Variants in CSMD1 observed in about 807,000 individuals in gnomAD.
The protein encoded by CSMD1 is CUB and Sushi multiple domains 1, also known as CUB and sushi domain-containing protein 1.
A neutral mutation model predicts 417.5 loss-of-function variants in CSMD1; 213 were observed. That is an observed-to-expected ratio of 0.51 (90% CI 0.46 to 0.57). CSMD1 has a LOEUF of 0.57. CSMD1 is among the 20% of genes least tolerant of loss of function. The pLI is 0.00. For synonymous variants in CSMD1, 2,862 were observed against 1,736.8 expected (o/e 1.65, Z -16.11); for missense variants, 6,923 against 4,529.7 (o/e 1.53, Z -15.17).
intron 49 of CSMD1, among the ~76,000 whole-genome samples, chr8:3,064,554 T>C (rs1466361935): frequency 6.6e-6 from 1 of 152,072 alleles, no homozygotes; most frequent in Non-Finnish European, 1.5e-5. Context: ...TCTAGTAGTG[T>C]GAGAATGGAT....
chr8:3,358,101 A>T (rs2117702316), intron 21 of CSMD1, among the ~76,000 whole-genome samples: 1 of 152,312 alleles, frequency 6.6e-6, no homozygotes, highest in South Asian at 2.1e-4. Context: ...AGTTATGCTA[A>T]ACAAGTTATG....
At chr8:3,242,767 G>A (rs986193714) in intron 26 of CSMD1, among the ~76,000 whole-genome samples, 24 of 151,898 alleles carry the variant, frequency 1.6e-4, no homozygotes, top group African/African-American at 5.8e-4. Flanking sequence ...AAGGGGTTCG[G>A]GGTTTCTTAC....
intron 23 of CSMD1, among the ~76,000 whole-genome samples, chr8:3,318,494 A>AGAT (rs1373485506): frequency 1.3e-5 from 2 of 152,118 alleles, no homozygotes; most frequent in Admixed American, 1.3e-4. Context: ...TGTAGATAAA[A>AGAT]GATAACATAT....
intron 2 of CSMD1, among the ~76,000 whole-genome samples, chr8:4,567,548 C>T (rs73184947): frequency 0.026 from 4,031 of 152,228 alleles, 76 homozygotes; most frequent in Non-Finnish European, 0.04. Flanking sequence ...ACCTTTATTT[C>T]TTCATTAAGT....
chr8:3,974,390 T>A (rs1056945947), intron 5 of CSMD1, among the ~76,000 whole-genome samples: 5 of 151,984 alleles, frequency 3.3e-5, no homozygotes, highest in Non-Finnish European at 7.4e-5. Context: ...AAGGAGGAAA[T>A]TAAACATGTA....
At chr8:3,529,199 C>A (rs1242166599) in intron 10 of CSMD1, among the ~76,000 whole-genome samples, 3 of 152,144 alleles carry the variant, frequency 2.0e-5, no homozygotes, top group Non-Finnish European at 4.4e-5. Flanking sequence ...AATCAGACTA[C>A]CAAAGTCAAG....
intron 5 of CSMD1, among the ~76,000 whole-genome samples, chr8:3,906,475 T>A (rs1808119865): frequency 6.6e-6 from 1 of 152,148 alleles, no homozygotes; most frequent in Non-Finnish European, 1.5e-5. Context: ...AAAGACATAA[T>A]GGACAAAGTG....
At chr8:3,033,671 A>C (rs1347904044) in intron 50 of CSMD1, among the ~76,000 whole-genome samples, 1 of 150,258 alleles carries the variant, frequency 6.7e-6, no homozygotes, top group African/African-American at 2.4e-5. Context: ...AACCTAGATG[A>C]CAGGTTGACG....
intron 3 of CSMD1, among the ~76,000 whole-genome samples, chr8:4,055,129 A>T (rs7001491): frequency 0.078 from 11,933 of 152,234 alleles, 611 homozygotes; most frequent in Middle Eastern, 0.16. Flanking sequence ...TAGATGATAG[A>T]AATATGGCCT....
chr8:2,949,408 A>AAAAGG, intron 67 of CSMD1, 22 bp from the exon 68 acceptor site: 1 of 1,293,626 alleles, frequency 7.7e-7, no homozygotes, highest in African/African-American at 1.5e-5. Flanking sequence ...GAAAGAAAAG[A>AAAAGG]AAAGAAATAA....
chr8:4,419,415 T>C (rs1039328928), intron 3 of CSMD1, among the ~76,000 whole-genome samples: 2 of 152,152 alleles, frequency 1.3e-5, no homozygotes, highest in African/African-American at 2.4e-5. Flanking sequence ...TTAATAATGA[T>C]AGCAATACCT....
At chr8:3,509,835 T>C (rs1285560493) in intron 10 of CSMD1, among the ~76,000 whole-genome samples, 1 of 152,072 alleles carries the variant, frequency 6.6e-6, no homozygotes, top group Non-Finnish European at 1.5e-5. Flanking sequence ...GGCTAGCTGT[T>C]CAGGAAGCAA....
At chr8:3,728,408 T>C (rs556843337) in intron 6 of CSMD1, among the ~76,000 whole-genome samples, 40 of 152,330 alleles carry the variant, frequency 2.6e-4, no homozygotes, top group African/African-American at 7.9e-4. Context: ...ATCAGCAGCA[T>C]GAAAACAGAC....
intron 3 of CSMD1, among the ~76,000 whole-genome samples, chr8:4,203,492 T>G (rs180918552): frequency 6.6e-6 from 1 of 152,172 alleles, no homozygotes; most frequent in African/African-American, 2.4e-5. Flanking sequence ...ATGTTTATTC[T>G]CGATGAGCAA....
intron 25 of CSMD1, among the ~76,000 whole-genome samples, chr8:3,297,088 G>C (rs1022538187): frequency 2.6e-5 from 4 of 152,210 alleles, no homozygotes; most frequent in Non-Finnish European, 4.4e-5. Flanking sequence ...TAAGCAGAAA[G>C]CATCCTAGAG....
At chr8:4,971,681 A>C (rs1166127310) in intron 1 of CSMD1, among the ~76,000 whole-genome samples, 1 of 106,510 alleles carries the variant, frequency 9.4e-6, no homozygotes, top group Admixed American at 8.4e-5. Flanking sequence ...ACTGAGAACT[A>C]TTCTGAAATA....
At chr8:4,124,893 T>C (rs1802676097) in intron 3 of CSMD1, among the ~76,000 whole-genome samples, 1 of 152,092 alleles carries the variant, frequency 6.6e-6, no homozygotes. Flanking sequence ...GCGGAGGGGT[T>C]ATAAGGAGAT....
At chr8:3,433,870 G>C (rs982912913) in intron 12 of CSMD1, among the ~76,000 whole-genome samples, 2 of 152,184 alleles carry the variant, frequency 1.3e-5, no homozygotes, top group East Asian at 3.9e-4. Flanking sequence ...ATTGCTTCCT[G>C]CTTCAACTTC....
chr8:4,653,970 T>C (rs888495714), intron 1 of CSMD1, among the ~76,000 whole-genome samples: 3 of 152,258 alleles, frequency 2.0e-5, no homozygotes, highest in Admixed American at 6.5e-5. Flanking sequence ...ATTGGTTTCA[T>C]TTACTCATGA....
Sources: gnomAD v4.1 joint callset for allele counts (sites outside exome capture counted in the v4.1 genomes callset) on GRCh38, gnomAD v4.1.1 for gene constraint, MANE v1.5 for transcripts, NCBI Gene and HGNC (gene_info 2026-07-23, HGNC 2026-07-21) for gene names.